CHN2: variants seen among roughly 807,000 people sequenced by gnomAD.
CHN2 encodes the protein beta-chimaerin.
CHN2 carries 35 observed loss-of-function variants against 56.3 expected under a neutral mutation model. The ratio of observed to expected loss-of-function variants is 0.62; its 90% CI spans 0.47 to 0.82. CHN2 has a LOEUF of 0.82. Among genes scored for constraint, CHN2 ranks in the 40% least tolerant of loss-of-function variants. CHN2 has a pLI of 0.00. For missense variants in CHN2, 491 were observed against 580.5 expected, an observed-to-expected ratio of 0.85 and a Z score of 1.58; for synonymous variants, 210 against 212.8, an observed-to-expected ratio of 0.99 and a Z score of 0.12.
In CHN2 at chr7:29,488,940, C is replaced by T. The variant is rs10452796; in HGVS notation, c.655-7012C>T. On this transcript the variant is annotated intron_variant, in intron 7 of 12. Coordinates refer to ENST00000222792, the MANE Select transcript of CHN2 (RefSeq NM_004067.4). ...ATTCTCAACTGCAGCATGTCATAAA[C>T]GGTACTTTTCCTTCTTACAGTTTCG... 2.6e-4 allele frequency among the ~76,000 whole-genome samples: 39 copies of T among 152,288 alleles called. 1 individual carries two copies. The highest frequency in any genetic ancestry group is 5.8e-4 in the East Asian group (3 of 5,184).
chr7:29,179,533 T>C (rs1011778255), intron 2 of CHN2, among the ~76,000 whole-genome samples: 1 of 152,244 alleles, frequency 6.6e-6, no homozygotes, highest in East Asian at 1.9e-4. Context: ...AAGATTCTGA[T>C]ACTTGTCCTA....
intron 6 of CHN2, among the ~76,000 whole-genome samples, chr7:29,404,982 G>C (rs1802511703): frequency 7.3e-6 from 1 of 136,992 alleles, no homozygotes; most frequent in Non-Finnish European, 1.6e-5. Flanking sequence ...GAGGGGTACA[G>C]TGTGGAAGGA....
chr7:29,323,708 G>A (rs1795548439), intron 1 of CHN2, among the ~76,000 whole-genome samples: 1 of 151,810 alleles, frequency 6.6e-6, no homozygotes, highest in Non-Finnish European at 1.5e-5. Flanking sequence ...TAAATTATAG[G>A]GGGTTGAGGC....
At chr7:29,240,020 T>C (rs1787529434) in intron 1 of CHN2, among the ~76,000 whole-genome samples, 1 of 152,192 alleles carries the variant, frequency 6.6e-6, no homozygotes, top group African/African-American at 2.4e-5. Context: ...AAACAAAATA[T>C]ATCTGGGGCC....
intron 6 of CHN2, among the ~76,000 whole-genome samples, chr7:29,431,457 G>T (rs911576436): frequency 6.6e-6 from 1 of 152,158 alleles, no homozygotes; most frequent in Admixed American, 6.5e-5. Flanking sequence ...TGCCCATAGG[G>T]TAGGGATGCA....
At chr7:29,452,182 G>A (rs181635604) in intron 6 of CHN2, among the ~76,000 whole-genome samples, 63 of 152,332 alleles carry the variant, frequency 4.1e-4, no homozygotes, top group South Asian at 6.2e-4. Flanking sequence ...AAGCAAGGCC[G>A]TTTGGATCCA....
In CHN2 at chr7:29,471,257, A is replaced by G. The variant is rs1287412889; in HGVS notation, c.577-9022A>G. ...AAAACTGCATACAAAACAAAACAAA[A>G]AAGCAAATAATAACAATGACGTGTT... On this transcript the variant is annotated intron_variant, in intron 6 of 12. Coordinates refer to ENST00000222792, the MANE Select transcript of CHN2 (RefSeq NM_004067.4). Among the ~76,000 whole-genome samples the G allele has an allele frequency of 3.3e-5, 5 of 152,254 alleles. No homozygotes were observed. The East Asian group carries it at 9.6e-4, about 29-fold the overall frequency.
intron 1 of CHN2, among the ~76,000 whole-genome samples, chr7:29,349,525 A>G (rs550588079): frequency 6.6e-6 from 1 of 152,270 alleles, no homozygotes; most frequent in East Asian, 1.9e-4. Context: ...ATCTATGATA[A>G]TTATTTCACC....
chr7:29,481,008 C>T (rs533311964), intron 7 of CHN2, among the ~76,000 whole-genome samples: 4 of 152,266 alleles, frequency 2.6e-5, no homozygotes, highest in African/African-American at 7.2e-5. Context: ...CTGGAAAGAC[C>T]GCTATGTTCG....
Position 29,328,650 on chromosome 7 carries a change from AT to A in CHN2, c.50-25973del, listed in dbSNP as rs1416696757. On this transcript the variant is annotated intron_variant, in intron 1 of 12. Transcript: ENST00000222792. ...TTATTACCATTTCCTGACATTTTAAATTACACACTATTGCTGAATTAAAAAA... is the reference window on the plus strand; with the variant it reads ...TTATTACCATTTCCTGACATTTTAAATACACACTATTGCTGAATTAAAAAA... Among the ~76,000 whole-genome samples the A allele has an allele frequency of 7.9e-5, 12 of 151,972 alleles. No homozygotes were observed. In the East Asian group the frequency reaches 2.3e-3, roughly 29 times the overall value.
chr7:29,460,814 G>A (rs908614914), intron 6 of CHN2, among the ~76,000 whole-genome samples: 9 of 152,202 alleles, frequency 5.9e-5, no homozygotes, highest in African/African-American at 1.9e-4. Flanking sequence ...ACAGCGGATC[G>A]GGCTTCTGGA....
chr7:29,489,684 G>T (rs1788433450), intron 7 of CHN2, among the ~76,000 whole-genome samples: 1 of 152,106 alleles, frequency 6.6e-6, no homozygotes, highest in Non-Finnish European at 1.5e-5. Flanking sequence ...TTCTCATTTT[G>T]TTTTATTTTT....
chr7:29,301,555 T>C (rs1793664471), intron 1 of CHN2, among the ~76,000 whole-genome samples: 1 of 152,142 alleles, frequency 6.6e-6, no homozygotes, highest in Non-Finnish European at 1.5e-5. Flanking sequence ...CCTGCTACAT[T>C]GTAGAGAGTT....
At chr7:29,249,652 T>G (rs764144198) in intron 1 of CHN2, among the ~76,000 whole-genome samples, 1 of 152,216 alleles carries the variant, frequency 6.6e-6, no homozygotes, top group Non-Finnish European at 1.5e-5. Context: ...TCCTGCTGGA[T>G]TACAGGTTAT....
chr7:29,265,327 C>T (rs1268134326), intron 1 of CHN2, among the ~76,000 whole-genome samples: 2 of 152,166 alleles, frequency 1.3e-5, no homozygotes, highest in Non-Finnish European at 2.9e-5. Context: ...ATTGGATTTG[C>T]TATCTGATCT....
At chr7:29,380,776 G>A (rs71541507) in intron 3 of CHN2, 18,979 of 152,182 alleles carry the variant, frequency 0.12, 1,448 homozygotes, top group Admixed American at 0.17. Flanking sequence ...ATTCAGTTCT[G>A]TTGGGTACTT....
At position 29,280,319 on chromosome 7, in the gene CHN2, G is replaced by A. The variant is rs561302307; in HGVS notation, c.50-74306G>A. 5.3e-5 allele frequency among the ~76,000 whole-genome samples: 8 copies of A among 152,126 alleles called. No individual in the cohort carries two copies. In the South Asian group the frequency reaches 1.7e-3, roughly 32 times the overall value. ...GAATTGCTTGAACCCAGGAGGCAGA[G>A]GTTGCAGTGAGCTGAGATCACACCA... On this transcript the variant is annotated intron_variant, in intron 1 of 12. Transcript: ENST00000222792.
At chr7:29,487,913 T>C (rs547634343) in intron 7 of CHN2, among the ~76,000 whole-genome samples, 1 of 152,286 alleles carries the variant, frequency 6.6e-6, no homozygotes, top group Admixed American at 6.5e-5. Context: ...CCACTCGAGG[T>C]TTTTGAGCAG....
At position 29,229,628 on chromosome 7, in the gene CHN2, G is replaced by T. The variant is rs571251734; in HGVS notation, c.49+34638G>T. Reference sequence around the variant, plus strand: ...CTAGGACTGGAAAGAACCTTTAGATGAAGAATTGGAAAACGAAGGCCTACC... The same window carrying T: ...CTAGGACTGGAAAGAACCTTTAGATTAAGAATTGGAAAACGAAGGCCTACC... On this transcript the variant is annotated intron_variant, in intron 1 of 12. Coordinates refer to ENST00000222792, the MANE Select transcript of CHN2 (RefSeq NM_004067.4). 2.8e-3 allele frequency among the ~76,000 whole-genome samples: 427 copies of T among 152,308 alleles called. 3 individuals carry two copies. The highest frequency in any genetic ancestry group is 9.7e-3 in the African/African-American group (405 of 41,568).
Sources: allele counts gnomAD v4.1 joint callset (sites outside exome capture counted in the v4.1 genomes callset), GRCh38; gene constraint gnomAD v4.1.1; transcripts MANE v1.5; gene names NCBI Gene and HGNC (gene_info 2026-07-23, HGNC 2026-07-21).